The following CDH4 variants were observed in gnomAD, a reference collection of about 807,000 sequenced individuals.
CDH4 encodes cadherin-4.
CDH4 carries 33 observed loss-of-function variants against 86.0 expected under a neutral mutation model. The ratio of observed to expected loss-of-function variants is 0.38; its 90% CI spans 0.29 to 0.51. CDH4 has a LOEUF of 0.51. CDH4 is among the 20% of genes least tolerant of loss of function. CDH4 has a pLI of 0.86. For synonymous variants in CDH4, 555 were observed against 549.4 expected, an observed-to-expected ratio of 1.01 and a Z score of -0.14; for missense variants, 1,114 against 1,307.4, an observed-to-expected ratio of 0.85 and a Z score of 2.28.
At chr20:61,576,596 A>G (rs1454391635) in intron 2 of CDH4, among the ~76,000 whole-genome samples, 2 of 152,026 alleles carry the variant, frequency 1.3e-5, no homozygotes, top group African/African-American at 2.4e-5. Context: ...ACTCTCTTCT[A>G]TCCCTCACGT....
chr20:61,923,779 A>G (rs1353544826), intron 10 of CDH4, 75 bp downstream of exon 10: 19 of 1,391,818 alleles, frequency 1.4e-5, no homozygotes, highest in Non-Finnish European at 1.9e-5. Flanking sequence ...GAAATACCCC[A>G]TGAAACCCAC....
At chr20:61,537,188 C>T (rs375542400) in intron 2 of CDH4, among the ~76,000 whole-genome samples, 2 of 152,222 alleles carry the variant, frequency 1.3e-5, no homozygotes, top group African/African-American at 4.8e-5. Context: ...GAGCTATCTG[C>T]TGCTGCCTTT....
intron 2 of CDH4, among the ~76,000 whole-genome samples, chr20:61,383,776 C>CAT (rs201802319): frequency 0.21 from 15,109 of 72,854 alleles, 2,601 homozygotes; most frequent in East Asian, 0.66. Flanking sequence ...GATATATATG[C>CAT]ATATATATGA....
In CDH4 at chr20:61,686,772, C is replaced by T. The variant is rs1023031356; in HGVS notation, c.170-56791C>T. On this transcript the variant is annotated intron_variant, in intron 2 of 15. Coordinates refer to ENST00000614565, the MANE Select transcript of CDH4 (RefSeq NM_001794.5). Reference sequence around the variant, plus strand: ...ATGTGTATATGTGCGTGTGCATTCGCGCGTGTGTGTGTGCATGTGTGCATG... The same window carrying T: ...ATGTGTATATGTGCGTGTGCATTCGTGCGTGTGTGTGTGCATGTGTGCATG... 2.7e-4 allele frequency among the ~76,000 whole-genome samples: 41 copies of T among 150,950 alleles called. 1 individual carries two copies. The highest frequency in any genetic ancestry group is 9.5e-4 in the African/African-American group (39 of 41,008).
chr20:61,375,629 T>C (rs529031766), intron 2 of CDH4, among the ~76,000 whole-genome samples: 10 of 146,616 alleles, frequency 6.8e-5, no homozygotes, highest in African/African-American at 2.4e-4. Context: ...GTATGGTTTG[T>C]TGATGGTAGT....
chr20:61,665,441 G>A (rs2145837765), intron 2 of CDH4, among the ~76,000 whole-genome samples: 1 of 152,362 alleles, frequency 6.6e-6, no homozygotes, highest in East Asian at 1.9e-4. Flanking sequence ...TTGAGGGGAG[G>A]CTGCCCGCAA....
intron 6 of CDH4, among the ~76,000 whole-genome samples, chr20:61,860,112 G>A (rs562255755): frequency 9.1e-4 from 139 of 152,390 alleles, no homozygotes; most frequent in African/African-American, 3.2e-3. Flanking sequence ...GTCATTGACA[G>A]TGTCCTTATT....
chr20:61,329,745 T>C (rs1329845102), intron 2 of CDH4, among the ~76,000 whole-genome samples: 2 of 152,182 alleles, frequency 1.3e-5, no homozygotes, highest in African/African-American at 2.4e-5. Flanking sequence ...GTTTGTTACA[T>C]AGGCAAGCAT....
In CDH4 at chr20:61,280,509, C is replaced by A. The variant is rs182458970; in HGVS notation, c.169+25572C>A. Among the ~76,000 whole-genome samples the A allele has an allele frequency of 2.4e-3, 369 of 152,288 alleles. 1 individual carries two copies. Among genetic ancestry groups the A allele is most frequent in the African/African-American group, 8.5e-3 (355 of 41,564 alleles). On this transcript the variant is annotated intron_variant, in intron 2 of 15. Coordinates refer to ENST00000614565, the MANE Select transcript of CDH4 (RefSeq NM_001794.5). The stretch of plus-strand genomic sequence containing the variant: ...ATGGCGGTGGGGGCCGATGTCCCCA[C>A]TCTCACGAATCTTCCTTTTTCCTGT...
chr20:61,535,692 G>A (rs905685693), intron 2 of CDH4, among the ~76,000 whole-genome samples: 5 of 152,174 alleles, frequency 3.3e-5, no homozygotes, highest in South Asian at 2.1e-4. Flanking sequence ...CTGAGAGGGG[G>A]CCCGGGCTGC....
At chr20:61,557,304 G>A (rs2086184962) in intron 2 of CDH4, among the ~76,000 whole-genome samples, 1 of 152,220 alleles carries the variant, frequency 6.6e-6, no homozygotes, top group Admixed American at 6.5e-5. Flanking sequence ...CCAAGCAATG[G>A]AAGAGGCTGC....
intron 2 of CDH4, among the ~76,000 whole-genome samples, chr20:61,646,246 A>G (rs769164841): frequency 2.4e-4 from 37 of 151,886 alleles, no homozygotes; most frequent in Non-Finnish European, 4.9e-4. Flanking sequence ...CCGTTCAGGA[A>G]CTCGGCTGAA....
At chr20:61,557,223 C>G (rs771293547) in intron 2 of CDH4, among the ~76,000 whole-genome samples, 3 of 152,176 alleles carry the variant, frequency 2.0e-5, no homozygotes, top group Non-Finnish European at 4.4e-5. Flanking sequence ...TTTTAGGCAT[C>G]ATCACCATGC....
intron 2 of CDH4, among the ~76,000 whole-genome samples, chr20:61,399,149 G>A (rs1314668772): frequency 2.6e-5 from 1 of 38,318 alleles, no homozygotes; most frequent in Non-Finnish European, 4.5e-5. Flanking sequence ...TTTTTGAGAC[G>A]GAGTCTCACT....
intron 4 of CDH4, among the ~76,000 whole-genome samples, chr20:61,800,505 A>C (rs1979772685): frequency 6.6e-6 from 1 of 152,176 alleles, no homozygotes; most frequent in Admixed American, 6.5e-5. Context: ...GAATCTCCTC[A>C]TCGCCCCCCA....
At chr20:61,527,262 T>TA (rs1284363349) in intron 2 of CDH4, among the ~76,000 whole-genome samples, 1 of 152,164 alleles carries the variant, frequency 6.6e-6, no homozygotes, top group East Asian at 1.9e-4. Context: ...GAGCTTTTTT[T>TA]TTTTTTGAGG....
chr20:61,915,082 A>G (rs2054890067), intron 9 of CDH4, among the ~76,000 whole-genome samples: 1 of 152,066 alleles, frequency 6.6e-6, no homozygotes, highest in South Asian at 2.1e-4. Context: ...CACGCCCACC[A>G]AGGAGGTGCT....
At chr20:61,281,947 G>C (rs2084261176) in intron 2 of CDH4, among the ~76,000 whole-genome samples, 2 of 152,232 alleles carry the variant, frequency 1.3e-5, no homozygotes, top group Admixed American at 1.3e-4. Flanking sequence ...CCGATGTGAA[G>C]GGAGTGGCCA....
chr20:61,576,050 T>C (rs571214518), intron 2 of CDH4, among the ~76,000 whole-genome samples: 8 of 151,812 alleles, frequency 5.3e-5, no homozygotes, highest in Middle Eastern at 3.4e-3. Context: ...AAGGGACAAG[T>C]GGAGGGGAAG....
Sources: gnomAD v4.1 joint callset for allele counts (sites outside exome capture counted in the v4.1 genomes callset) on GRCh38, gnomAD v4.1.1 for gene constraint, MANE v1.5 for transcripts, NCBI Gene and HGNC (gene_info 2026-07-23, HGNC 2026-07-21) for gene names.